Variants in GUCY1A1 observed in about 807,000 individuals in gnomAD.
GUCY1A1 encodes the protein guanylate cyclase soluble subunit alpha-1.
A neutral mutation model predicts 64.5 loss-of-function variants in GUCY1A1; 48 were observed. The observed-to-expected ratio is 0.74, with a 90% CI of 0.59 to 0.95. The LOEUF (loss-of-function observed/expected upper bound fraction) is 0.95, where lower values mean the gene tolerates loss of function less well. Ranked by LOEUF, GUCY1A1 falls within the 40% of genes least tolerant of loss-of-function variation. The pLI, the probability that GUCY1A1 is intolerant of heterozygous loss-of-function variation, is 0.00. For synonymous variants in GUCY1A1, 308 were observed against 303.4 expected, an observed-to-expected ratio of 1.02 and a Z score of -0.16; for missense variants, 804 against 825.3, an observed-to-expected ratio of 0.97 and a Z score of 0.32.
intron 3 of GUCY1A1, among the ~76,000 whole-genome samples, chr4:155,702,222 A>G (rs1263932316): frequency 6.6e-6 from 1 of 152,182 alleles, no homozygotes; most frequent in East Asian, 1.9e-4. Context: ...CTCAGGCACA[A>G]AGGCAGCAAC....
At chr4:155,678,331 A>G (rs1579004729) in intron 2 of GUCY1A1, among the ~76,000 whole-genome samples, 1 of 152,238 alleles carries the variant, frequency 6.6e-6, no homozygotes, top group Non-Finnish European at 1.5e-5. Flanking sequence ...GACATCCCCA[A>G]GAGTTTGCAA....
chr4:155,700,301 AT>A (rs1208217776), intron 3 of GUCY1A1, among the ~76,000 whole-genome samples: 4 of 152,202 alleles, frequency 2.6e-5, no homozygotes, highest in Non-Finnish European at 5.9e-5. Flanking sequence ...TTTGAAGAGA[AT>A]CACGAGGTCT....
chr4:155,709,839 GA>G (rs904625809), intron 5 of GUCY1A1, among the ~76,000 whole-genome samples: 45 of 148,378 alleles, frequency 3.0e-4, no homozygotes, highest in Admixed American at 9.4e-4. Flanking sequence ...TCTCAAAGAA[GA>G]AAAAAAAAAT....
At chr4:155,686,160 A>C (rs747252588) in intron 2 of GUCY1A1, among the ~76,000 whole-genome samples, 2 of 152,170 alleles carry the variant, frequency 1.3e-5, no homozygotes, top group Non-Finnish European at 2.9e-5. Flanking sequence ...CCACCAAACT[A>C]ACATTGAGAA....
chr4:155,668,847 C>T (rs1733737911), intron 2 of GUCY1A1, among the ~76,000 whole-genome samples: 1 of 151,234 alleles, frequency 6.6e-6, no homozygotes, highest in African/African-American at 2.4e-5. Context: ...TCTATGCATT[C>T]TGTGCTTTGT....
At chr4:155,725,621 GA>G (rs1734558226) in intron 9 of GUCY1A1, among the ~76,000 whole-genome samples, 1 of 151,996 alleles carries the variant, frequency 6.6e-6, no homozygotes, top group African/African-American at 2.4e-5. Flanking sequence ...TTAACAGTAT[GA>G]AACTAAACTT....
chr4:155,711,535 G>A (rs1732574530), intron 6 of GUCY1A1, among the ~76,000 whole-genome samples: 1 of 152,100 alleles, frequency 6.6e-6, no homozygotes, highest in African/African-American at 2.4e-5. Flanking sequence ...ATATAAAAAT[G>A]TTTTCAATTA....
Position 155,696,793 on chromosome 4 carries a change from TTC to T in GUCY1A1, c.-73_-72del, listed in dbSNP as rs1301509442. The T allele has an allele frequency of 5.8e-6, 8 of 1,390,478 alleles. No individual in the cohort carries two copies. The highest frequency in any genetic ancestry group is 8.0e-6 in the Non-Finnish European group (8 of 995,964). The allele number at this position is 1,390,478 out of a possible 1,614,324, so 86.1% of individuals were successfully genotyped here. A position where few individuals can be genotyped will look rare whatever the true frequency, so the allele number is the denominator to read the frequency against. On this transcript the variant is annotated 5_prime_UTR_variant, in exon 3 of 10. Transcript: ENST00000506455. ...CCAGTGTCCTTGAATTGATAGTGGC[TTC>T]TGTTTGTCAGTCTCATATAAGAACT...
Position 155,710,614 on chromosome 4 carries a change from A to T in GUCY1A1, c.449A>T (p.Asn150Ile), listed in dbSNP as rs768724146. The T allele has an allele frequency of 1.6e-5, 26 of 1,613,320 alleles. No homozygotes were observed. Among genetic ancestry groups the T allele is most frequent in the Middle Eastern group, 1.6e-4 (1 of 6,082 alleles). Residue 150 changes from asparagine to isoleucine, a missense_variant, in exon 6 of 10, where the codon AAC (asparagine) becomes ATC (isoleucine). Asn to Ile is a moderately radical substitution (Grantham distance 149). Transcript: ENST00000506455. ...VFKICYEEDE[N>I]ILGVVGGTLK... ...AAAATATGTTACGAGGAAGATGAAA[A>T]CATCCTTGGGGTGGTTGGAGGCACC...
intron 2 of GUCY1A1, among the ~76,000 whole-genome samples, chr4:155,688,864 C>T (rs923885977): frequency 2.6e-5 from 4 of 151,988 alleles, no homozygotes; most frequent in Non-Finnish European, 5.9e-5. Context: ...CTAATGAATA[C>T]TGCACCTCAG....
intron 4 of GUCY1A1, 106 bp downstream of exon 4, chr4:155,704,099 G>T: frequency 4.5e-6 from 3 of 663,908 alleles, no homozygotes; most frequent in South Asian, 2.2e-5. Context: ...GAATCATTGT[G>T]GTATGTCAGA....
chr4:155,716,872 GATGAA>G (rs1349824288), intron 7 of GUCY1A1, among the ~76,000 whole-genome samples: 2 of 152,274 alleles, frequency 1.3e-5, no homozygotes, highest in Admixed American at 6.5e-5. Context: ...AAAAAAAAGA[GATGAA>G]ATGATATGAT....
intron 3 of GUCY1A1, among the ~76,000 whole-genome samples, chr4:155,702,213 T>C (rs1456030285): frequency 1.3e-5 from 2 of 152,158 alleles, no homozygotes; most frequent in East Asian, 3.9e-4. Flanking sequence ...AACTGAGAGC[T>C]CAGGCACAAA....
chr4:155,719,657 C>T (rs1175922828), intron 8 of GUCY1A1, among the ~76,000 whole-genome samples: 1 of 152,110 alleles, frequency 6.6e-6, no homozygotes, highest in Non-Finnish European at 1.5e-5. Flanking sequence ...CATTTATTCC[C>T]ATTGATTTCC....
At position 155,667,853 on chromosome 4, in the gene GUCY1A1, G is replaced by C. The variant is rs534076521; in HGVS notation, c.-113+434G>C. 6 of 152,356 alleles carry C rather than the reference G, an allele frequency of 3.9e-5. No individual in the cohort carries two copies. The East Asian group carries it at 9.7e-4, about 25-fold the overall frequency. 9.4% of individuals were successfully genotyped at this position (152,356 alleles called of 1,614,324 possible). On this transcript the variant is annotated intron_variant, in intron 2 of 9. Coordinates refer to ENST00000506455, the MANE Select transcript of GUCY1A1 (RefSeq NM_001130682.3). ...GGCAAGCGAGCGGGCGCAGCTGGGGGATGCCTGGACCCCGGAGGCAGCAGG... is the reference window on the plus strand; with the variant it reads ...GGCAAGCGAGCGGGCGCAGCTGGGGCATGCCTGGACCCCGGAGGCAGCAGG...
intron 8 of GUCY1A1, among the ~76,000 whole-genome samples, chr4:155,720,717 A>C (rs924148226): frequency 1.3e-5 from 2 of 152,206 alleles, no homozygotes; most frequent in African/African-American, 4.8e-5. Flanking sequence ...TATTAAAACT[A>C]GACATAACTG....
At position 155,727,497 on chromosome 4, in the gene GUCY1A1, A is replaced by G. The variant is rs1275453692; in HGVS notation, c.1872-2533A>G. The stretch of plus-strand genomic sequence containing the variant: ...ACTTCTAAAGGCTGAATATATGTAT[A>G]TAATACATTTAAATAGGAGATTATA... On this transcript the variant is annotated intron_variant, in intron 9 of 9. Transcript: ENST00000506455. 3.3e-5 allele frequency among the ~76,000 whole-genome samples: 5 copies of G among 152,020 alleles called. No individual in the cohort carries two copies. The East Asian group carries it at 9.7e-4, about 29-fold the overall frequency.
chr4:155,714,998 A>G, intron 7 of GUCY1A1, among the ~76,000 whole-genome samples: 1 of 152,176 alleles, frequency 6.6e-6, no homozygotes, highest in East Asian at 1.9e-4. Flanking sequence ...GCCCTCTTCT[A>G]CTTTTGGTTA....
chr4:155,674,158 A>C (rs975197560), intron 2 of GUCY1A1, among the ~76,000 whole-genome samples: 3 of 151,068 alleles, frequency 2.0e-5, no homozygotes, highest in African/African-American at 7.4e-5. Context: ...GTTCAAGACC[A>C]GCCTGGCCAA....
Sources: allele counts gnomAD v4.1 joint callset (sites outside exome capture counted in the v4.1 genomes callset), GRCh38; gene constraint gnomAD v4.1.1; transcripts MANE v1.5; gene names NCBI Gene and HGNC (gene_info 2026-07-23, HGNC 2026-07-21).